The following CEP63 variants were observed in gnomAD, a reference collection of about 807,000 sequenced individuals.
CEP63 encodes the protein centrosomal protein 63, also known as centrosomal protein of 63 kDa.
A neutral mutation model predicts 89.1 loss-of-function variants in CEP63; 84 were observed. That is an observed-to-expected ratio of 0.94 (90% CI 0.79 to 1.13). The LOEUF is 1.13. Ranked by LOEUF, CEP63 falls within the 50% of genes most tolerant of loss-of-function variation. CEP63 has a pLI of 0.00. For missense variants in CEP63, 838 were observed against 813.3 expected, an observed-to-expected ratio of 1.03 and a Z score of -0.37; for synonymous variants, 267 against 272.5, an observed-to-expected ratio of 0.98 and a Z score of 0.20.
intron 11 of CEP63, among the ~76,000 whole-genome samples, chr3:134,574,629 A>G (rs924449157): frequency 2.0e-5 from 3 of 152,152 alleles, no homozygotes; most frequent in Admixed American, 2.0e-4. Flanking sequence ...TTTTTTGGTT[A>G]TAGAGTCCCA....
the CEP63 span, among the ~76,000 whole-genome samples, chr3:134,736,369 A>G: frequency 6.6e-6 from 1 of 152,176 alleles, no homozygotes; most frequent in Non-Finnish European, 1.5e-5. Flanking sequence ...AAGACCAGCA[A>G]AAGAAAAGGT....
the CEP63 span, among the ~76,000 whole-genome samples, chr3:134,601,708 C>T: frequency 1.3e-5 from 2 of 152,212 alleles, no homozygotes; most frequent in African/African-American, 4.8e-5. Context: ...GTTCAGCCCC[C>T]CAGGGGAGAC....
At chr3:134,724,945 T>A in the CEP63 span, among the ~76,000 whole-genome samples, 1 of 152,186 alleles carries the variant, frequency 6.6e-6, no homozygotes, top group Non-Finnish European at 1.5e-5. Flanking sequence ...AAAAAGCTTT[T>A]CTAAACTCTC....
the CEP63 span, among the ~76,000 whole-genome samples, chr3:134,724,732 T>C: frequency 6.6e-6 from 1 of 152,232 alleles, no homozygotes; most frequent in Non-Finnish European, 1.5e-5. Context: ...GTACTATAAG[T>C]CCTTTTTTCA....
At chr3:134,718,342 A>G in the CEP63 span, among the ~76,000 whole-genome samples, 1 of 152,254 alleles carries the variant, frequency 6.6e-6, no homozygotes, top group Non-Finnish European at 1.5e-5. Flanking sequence ...AGAGAAAAAC[A>G]GTATAGAAAG....
chr3:134,488,016 C>T (rs1054948733), intron 1 of CEP63: 1 of 152,152 alleles, frequency 6.6e-6, no homozygotes, highest in Non-Finnish European at 1.5e-5. Context: ...TCCTCTAAAC[C>T]AGGGGCCCCC....
chr3:134,486,441 G>A, intron 1 of CEP63: 1 of 985,620 alleles, frequency 1.0e-6, no homozygotes, highest in Non-Finnish European at 1.2e-6. Flanking sequence ...GGCCCGCTAT[G>A]CCCTGCACAC....
the CEP63 span, among the ~76,000 whole-genome samples, chr3:134,617,335 C>G: frequency 6.6e-6 from 1 of 152,194 alleles, no homozygotes; most frequent in Non-Finnish European, 1.5e-5. Flanking sequence ...ATTCCACATT[C>G]CATTCCACAT....
chr3:134,522,761 C>A (rs1295070113), intron 3 of CEP63, among the ~76,000 whole-genome samples: 2 of 152,106 alleles, frequency 1.3e-5, no homozygotes, highest in Admixed American at 1.3e-4. Context: ...TTTTTTATGG[C>A]TGCATAGTAT....
the CEP63 span, among the ~76,000 whole-genome samples, chr3:134,734,872 C>G: frequency 1.3e-5 from 2 of 152,154 alleles, no homozygotes; most frequent in Non-Finnish European, 2.9e-5. Flanking sequence ...TCGTCATTGT[C>G]CTTTTTAAAC....
At chr3:134,577,972 A>G (rs1245575555), downstream of CEP63, among the ~76,000 whole-genome samples, 1 of 152,162 alleles carries the variant, frequency 6.6e-6, no homozygotes, top group Non-Finnish European at 1.5e-5. Flanking sequence ...TCATGGCTGC[A>G]TAGTATTCCA....
At chr3:134,764,081 A>G in the CEP63 span, among the ~76,000 whole-genome samples, 1 of 152,250 alleles carries the variant, frequency 6.6e-6, no homozygotes, top group South Asian at 2.1e-4. Flanking sequence ...TTAGAAGCAT[A>G]TGGTAGAACT....
chr3:134,700,915 C>A, the CEP63 span, among the ~76,000 whole-genome samples: 18 of 152,084 alleles, frequency 1.2e-4, 1 homozygote, highest in Non-Finnish European at 2.2e-4. Flanking sequence ...GGCTGGTCTG[C>A]CAGTTTGCTT....
chr3:134,730,140 C>T, the CEP63 span, among the ~76,000 whole-genome samples: 1 of 152,212 alleles, frequency 6.6e-6, no homozygotes, highest in African/African-American at 2.4e-5. Flanking sequence ...AAATGCAGTA[C>T]ACCCAGTTAT....
the CEP63 span, among the ~76,000 whole-genome samples, chr3:134,686,998 A>G: frequency 6.6e-6 from 1 of 152,130 alleles, no homozygotes; most frequent in African/African-American, 2.4e-5. Flanking sequence ...ATACTGGGAG[A>G]GTACTATTTT....
the CEP63 span, among the ~76,000 whole-genome samples, chr3:134,760,283 T>G: frequency 6.6e-6 from 1 of 152,020 alleles, no homozygotes; most frequent in Admixed American, 6.6e-5. Context: ...ATGGTCTCGA[T>G]CTCCTGACCT....
intron 3 of CEP63, among the ~76,000 whole-genome samples, chr3:134,507,648 A>G (rs2108434892): frequency 6.6e-6 from 1 of 152,326 alleles, no homozygotes; most frequent in Middle Eastern, 3.4e-3. Flanking sequence ...GGTATTACAA[A>G]AGAAGTTCCA....
At chr3:134,517,131 C>T (rs961175391) in intron 3 of CEP63, among the ~76,000 whole-genome samples, 12 of 152,172 alleles carry the variant, frequency 7.9e-5, no homozygotes, top group African/African-American at 2.7e-4. Flanking sequence ...CTCAATAGCA[C>T]GTCCTTTATT....
At chr3:134,692,305 T>C in the CEP63 span, among the ~76,000 whole-genome samples, 2 of 151,876 alleles carry the variant, frequency 1.3e-5, no homozygotes, top group Non-Finnish European at 2.9e-5. Context: ...TTCCCCTTCC[T>C]GTGTCGAAGT....
Sources: gnomAD v4.1 joint callset for allele counts (sites outside exome capture counted in the v4.1 genomes callset) on GRCh38, gnomAD v4.1.1 for gene constraint, MANE v1.5 for transcripts, NCBI Gene and HGNC (gene_info 2026-07-23, HGNC 2026-07-21) for gene names.